The following FNDC3B variants were observed in gnomAD, a reference collection of about 807,000 sequenced individuals.
FNDC3B encodes fibronectin type III domain containing 3B.
In FNDC3B, 12 loss-of-function variants were observed where a neutral mutation model predicts 151.5. The ratio of observed to expected loss-of-function variants is 0.08; its 90% CI spans 0.05 to 0.13. The LOEUF (loss-of-function observed/expected upper bound fraction) is 0.13. Among genes scored for constraint, FNDC3B ranks in the 10% least tolerant of loss-of-function variants. The pLI is 1.00. For missense variants in FNDC3B, 1,214 were observed against 1,505.3 expected, an observed-to-expected ratio of 0.81 and a Z score of 3.20; for synonymous variants, 528 against 549.0, an observed-to-expected ratio of 0.96 and a Z score of 0.54.
At chr3:172,140,233 TA>T (rs1448743067) in intron 3 of FNDC3B, among the ~76,000 whole-genome samples, 3 of 152,330 alleles carry the variant, frequency 2.0e-5, no homozygotes, top group Admixed American at 6.5e-5. Context: ...CAGCTTACCT[TA>T]TGATACTTAA....
intron 19 of FNDC3B, among the ~76,000 whole-genome samples, chr3:172,345,611 C>A (rs1448707764): frequency 6.6e-6 from 1 of 152,042 alleles, no homozygotes; most frequent in Non-Finnish European, 1.5e-5. Context: ...TTTTTTCTCT[C>A]ATTTTGACAA....
Position 172,307,324 on chromosome 3 carries a change from A to G in FNDC3B, c.1062-39A>G, listed in dbSNP as rs192291271. ...AAGATAAGAATCCTGGTCTTCTATG[A>G]TGAGTCACTGCCACTGACTGTGTCT... On this transcript the variant is annotated intron_variant, in intron 9 of 25. Transcript: ENST00000415807. 59 of 1,607,242 alleles carry G rather than the reference A, an allele frequency of 3.7e-5. 1 individual carries two copies. In the Admixed American group the frequency reaches 7.8e-4, roughly 21 times the overall value.
chr3:172,347,085 C>T (rs772231440), intron 20 of FNDC3B, 127 bp from the exon 21 acceptor site: 9 of 823,130 alleles, frequency 1.1e-5, no homozygotes, highest in Non-Finnish European at 1.5e-5. Flanking sequence ...TCGTGCCTTT[C>T]TTTTATATGT....
intron 1 of FNDC3B, among the ~76,000 whole-genome samples, chr3:172,049,585 T>C (rs1339712905): frequency 6.6e-6 from 1 of 152,178 alleles, no homozygotes; most frequent in Non-Finnish European, 1.5e-5. Context: ...TGGAGTGCAA[T>C]GGCGCGATCT....
rs755249189 is a variant in FNDC3B, at chr3:172,344,098, C to T, written c.2090C>T (p.Ser697Leu). The part of the protein sequence containing the change: ...EVHLEWDVPA[S>L]ESGCEVSEYS... ...TCTTCATTCCCAGATGTTCCTGCAT[C>T]GGAAAGTGGCTGTGAGGTCTCAGAG... The change falls in exon 19 of 26, where the codon TCG becomes TTG. Residue 697 changes from serine to leucine, a missense_variant. Transcript: ENST00000415807. 2.5e-5 allele frequency: 41 copies of T among 1,609,788 alleles called. No homozygotes were observed. The highest frequency in any genetic ancestry group is 1.6e-4 in the Middle Eastern group (1 of 6,066).
intron 6 of FNDC3B, among the ~76,000 whole-genome samples, chr3:172,257,856 C>T (rs1031850883): frequency 6.6e-6 from 1 of 152,148 alleles, no homozygotes; most frequent in African/African-American, 2.4e-5. Context: ...ATCAGGCACT[C>T]CAGGTAATAA....
chr3:172,051,426 CTT>C (rs1560383321), intron 1 of FNDC3B, among the ~76,000 whole-genome samples: 1 of 152,102 alleles, frequency 6.6e-6, no homozygotes, highest in Non-Finnish European at 1.5e-5. Flanking sequence ...AACTTGGGGT[CTT>C]TTAATCGTGG....
At chr3:172,390,143 A>T (rs533219078) in intron 25 of FNDC3B, among the ~76,000 whole-genome samples, 2 of 152,248 alleles carry the variant, frequency 1.3e-5, no homozygotes, top group African/African-American at 4.8e-5. Flanking sequence ...CTGTGGAGAT[A>T]TGGAAATAAT....
chr3:172,145,661 G>A (rs1721866856), intron 3 of FNDC3B, among the ~76,000 whole-genome samples: 1 of 152,166 alleles, frequency 6.6e-6, no homozygotes, highest in African/African-American at 2.4e-5. Flanking sequence ...TCAACTTTAC[G>A]ATTGTTTCAT....
At chr3:172,332,914 C>G (rs1732753292) in intron 13 of FNDC3B, among the ~76,000 whole-genome samples, 175 bp from the exon 14 acceptor site, 1 of 152,208 alleles carries the variant, frequency 6.6e-6, no homozygotes, top group Non-Finnish European at 1.5e-5. Context: ...ATTTAAAGCT[C>G]AAGTGCTATC....
At chr3:172,309,614 T>G (rs1206197980) in intron 10 of FNDC3B, among the ~76,000 whole-genome samples, 1 of 152,142 alleles carries the variant, frequency 6.6e-6, no homozygotes, top group African/African-American at 2.4e-5. Context: ...GTTTTGGGAC[T>G]CAGAGATTGT....
chr3:172,231,990 C>T (rs377356714), intron 4 of FNDC3B, among the ~76,000 whole-genome samples: 3 of 148,740 alleles, frequency 2.0e-5, no homozygotes, highest in Non-Finnish European at 3.0e-5. Context: ...AAGCAATTCT[C>T]GTGCCTCAGC....
At chr3:172,222,692 C>A (rs144800848) in intron 3 of FNDC3B, among the ~76,000 whole-genome samples, 1 of 152,144 alleles carries the variant, frequency 6.6e-6, no homozygotes, top group Non-Finnish European at 1.5e-5. Context: ...AATGCCGCTG[C>A]CGATCTGACA....
intron 2 of FNDC3B, among the ~76,000 whole-genome samples, chr3:172,118,113 C>T (rs1403250640): frequency 2.0e-5 from 3 of 152,150 alleles, no homozygotes; most frequent in Non-Finnish European, 2.9e-5. Flanking sequence ...AATATGTAAC[C>T]AGAGTTTTTT....
chr3:172,229,491 C>T (rs990006016), intron 4 of FNDC3B, among the ~76,000 whole-genome samples: 6 of 152,196 alleles, frequency 3.9e-5, no homozygotes, highest in African/African-American at 1.2e-4. Flanking sequence ...TGACAATTCA[C>T]TTGTTCTTTT....
chr3:172,096,233 C>T (rs1370269087), intron 1 of FNDC3B, among the ~76,000 whole-genome samples: 5 of 152,182 alleles, frequency 3.3e-5, no homozygotes, highest in African/African-American at 1.2e-4. Context: ...AGACAGTTAA[C>T]ATAAAACATC....
chr3:172,224,623 G>A (rs1299539279), intron 3 of FNDC3B, among the ~76,000 whole-genome samples: 2 of 152,150 alleles, frequency 1.3e-5, no homozygotes, highest in Non-Finnish European at 2.9e-5. Context: ...CCTGTGAAGT[G>A]GTCATAACGC....
At chr3:172,294,146 A>T (rs1730475263) in intron 7 of FNDC3B, among the ~76,000 whole-genome samples, 1 of 152,216 alleles carries the variant, frequency 6.6e-6, no homozygotes, top group South Asian at 2.1e-4. Context: ...TTTCTCCAGA[A>T]ATGGTCTCTA....
chr3:172,099,480 G>A (rs1221323919), intron 1 of FNDC3B, among the ~76,000 whole-genome samples: 1 of 152,152 alleles, frequency 6.6e-6, no homozygotes, highest in Non-Finnish European at 1.5e-5. Flanking sequence ...CTTCCTTAGT[G>A]TTTGATCATT....
Sources: allele counts gnomAD v4.1 joint callset (sites outside exome capture counted in the v4.1 genomes callset), GRCh38; gene constraint gnomAD v4.1.1; transcripts MANE v1.5; gene names NCBI Gene and HGNC (gene_info 2026-07-23, HGNC 2026-07-21).